Variants in SIPA1L3 observed in about 807,000 individuals in gnomAD.
The protein encoded by SIPA1L3 is signal induced proliferation associated 1 like 3.
SIPA1L3 carries 59 observed loss-of-function variants against 150.1 expected under a neutral mutation model. The ratio of observed to expected loss-of-function variants is 0.39; its 90% confidence interval spans 0.32 to 0.49. The LOEUF is 0.49. Among genes scored for constraint, SIPA1L3 ranks in the 20% least tolerant of loss-of-function variants. The pLI is 0.86. For missense variants in SIPA1L3, 2,211 were observed against 2,489.5 expected (o/e 0.89, Z 2.38); for synonymous variants, 1,070 against 1,077.6 (o/e 0.99, Z 0.14).
At chr19:37,994,640 C>T (rs1367540010) in intron 1 of SIPA1L3, among the ~76,000 whole-genome samples, 1 of 152,188 alleles carries the variant, frequency 6.6e-6, no homozygotes, top group African/African-American at 2.4e-5. Context: ...AGCGCCTTCT[C>T]TTCCTGCAGT....
rs1970194925 is a variant in SIPA1L3 at position 38,088,722 on chromosome 19, A to G, written c.1536A>G (p.Glu512=). 2 of 1,613,508 alleles carry G rather than the reference A, an allele frequency of 1.2e-6. No homozygotes were observed. The change falls in exon 4 of 22, where the codon GAA becomes GAG. Residue 512 remains glutamate, a splice_region_variant and synonymous_variant. Coordinates refer to ENST00000222345, the MANE Select transcript of SIPA1L3 (RefSeq NM_015073.3). ...AACTCGCCTGCTCTTCCTTCTTAGA[A>G]CATGCCAATTACTTCGGCGTGGATG... The part of the protein sequence containing the change: ...RYYQDYFVGK[E]HANYFGVDEK...
chr19:38,162,475 C>G (rs183042525), intron 14 of SIPA1L3, 104 bp downstream of exon 14: 1 of 810,856 alleles, frequency 1.2e-6, no homozygotes, highest in Non-Finnish European at 2.1e-6. Context: ...CCACCTTCCA[C>G]TCAGCAGAGG....
In SIPA1L3 at chr19:38,120,836, G is replaced by T. The variant is rs140029448; in HGVS notation, c.2868+954G>T. Among the ~76,000 whole-genome samples, 503 of 152,338 alleles carry T rather than the reference G, an allele frequency of 3.3e-3. 1 individual carries two copies. The highest frequency in any genetic ancestry group is 5.9e-3 in the Non-Finnish European group (399 of 68,044). On this transcript the variant is annotated intron_variant, in intron 9 of 21. Coordinates refer to ENST00000222345, the MANE Select transcript of SIPA1L3 (RefSeq NM_015073.3). ...AAGCTCCACAAGAAAGAACACTGTGGTCAGTGATTGCCTCTGCAGTGGGTT... is the reference window on the plus strand; with the variant it reads ...AAGCTCCACAAGAAAGAACACTGTGTTCAGTGATTGCCTCTGCAGTGGGTT...
intron 1 of SIPA1L3, among the ~76,000 whole-genome samples, chr19:37,947,876 C>G (rs1207322775): frequency 1.3e-5 from 2 of 152,202 alleles, no homozygotes; most frequent in South Asian, 2.1e-4. Flanking sequence ...GCCTGCAGCA[C>G]TTTCCCTATG....
intron 1 of SIPA1L3, among the ~76,000 whole-genome samples, chr19:37,960,312 A>G (rs1224096125): frequency 2.0e-5 from 3 of 151,782 alleles, no homozygotes; most frequent in Non-Finnish European, 4.4e-5. Flanking sequence ...AGTGCACTGA[A>G]CTGCAGCCTC....
Position 38,057,352 on chromosome 19 carries a change from G to A in SIPA1L3, c.-310-23904G>A, listed in dbSNP as rs116841214. Among the ~76,000 whole-genome samples the A allele has an allele frequency of 9.1e-3, 1,369 of 150,234 alleles. 44 individuals are homozygous for A. In the South Asian group the frequency reaches 0.12, roughly 14 times the overall value. On this transcript the variant is annotated intron_variant, in intron 2 of 21. Coordinates refer to ENST00000222345, the MANE Select transcript of SIPA1L3 (RefSeq NM_015073.3). ...CACACACACACACGTATATATATAC[G>A]TATATATATGTATATATATGGGAAG... is the stretch of plus-strand genomic sequence containing the variant.
rs913092046 is a variant in SIPA1L3 at position 38,137,183 on chromosome 19, TTTG to T, written c.3144-3983_3144-3981del. Among the ~76,000 whole-genome samples the T allele has an allele frequency of 5.3e-5, 8 of 151,800 alleles. 1 individual carries two copies. The highest frequency in any genetic ancestry group is 7.4e-5 in the Non-Finnish European group (5 of 67,880). ...CTCCATGCTGCATGCTGCCTTCATTTTTGTTGTTGTTGTTGTTGTTTTTGAGAT... is the reference window on the plus strand; with the variant it reads ...CTCCATGCTGCATGCTGCCTTCATTTTTGTTGTTGTTGTTGTTTTTGAGAT... On this transcript the variant is annotated intron_variant, in intron 10 of 21. Coordinates refer to ENST00000222345, the MANE Select transcript of SIPA1L3 (RefSeq NM_015073.3).
At chr19:38,048,351 C>A (rs1284809642) in intron 2 of SIPA1L3, among the ~76,000 whole-genome samples, 1 of 152,186 alleles carries the variant, frequency 6.6e-6, no homozygotes, top group Non-Finnish European at 1.5e-5. Context: ...CTCCAAAGGC[C>A]TCTGTATGCC....
intron 16 of SIPA1L3, among the ~76,000 whole-genome samples, chr19:38,187,522 C>T (rs34262882): frequency 0.36 from 54,905 of 150,850 alleles, 11,664 homozygotes; most frequent in Middle Eastern, 0.57. Flanking sequence ...TCGAGTCCAT[C>T]CTGGCTAACA....
chr19:38,194,835 GAGGTC>G (rs1398935189), intron 18 of SIPA1L3, among the ~76,000 whole-genome samples: 2 of 152,230 alleles, frequency 1.3e-5, no homozygotes, highest in African/African-American at 4.8e-5. Flanking sequence ...TGGATCACCT[GAGGTC>G]AGGAGTTCGA....
intron 1 of SIPA1L3, among the ~76,000 whole-genome samples, chr19:38,004,435 G>A (rs990256541): frequency 6.6e-6 from 1 of 152,232 alleles, no homozygotes; most frequent in Admixed American, 6.5e-5. Flanking sequence ...TGGGGCAGAT[G>A]TCTGGGCTGG....
At chr19:38,148,004 T>C (rs775312247) in intron 12 of SIPA1L3, among the ~76,000 whole-genome samples, 29 of 151,406 alleles carry the variant, frequency 1.9e-4, no homozygotes, top group Admixed American at 5.9e-4. Context: ...GTGTGTGACA[T>C]TGCACTCCAG....
chr19:38,027,714 G>A (rs2145714572), intron 1 of SIPA1L3, among the ~76,000 whole-genome samples: 1 of 149,912 alleles, frequency 6.7e-6, no homozygotes, highest in African/African-American at 2.5e-5. Flanking sequence ...ACAGGGTCTT[G>A]CTATGTTGCC....
rs771144164 is a variant in SIPA1L3, at chr19:38,164,709, C to A, written c.4011C>A (p.Pro1337=). The part of the protein sequence containing the change: ...KAPRPAKPHK[P]PGSMGLCGGG... ...CACGGCCCGCCAAGCCACACAAGCCCCCTGGAAGTATGGGCCTTTGTGGCG... is the reference window on the plus strand; with the variant it reads ...CACGGCCCGCCAAGCCACACAAGCCACCTGGAAGTATGGGCCTTTGTGGCG... The change falls in exon 15 of 22, where the codon CCC becomes CCA. Residue 1337 remains proline, a synonymous_variant. Coordinates refer to ENST00000222345, the MANE Select transcript of SIPA1L3 (RefSeq NM_015073.3). The surrounding 1 kb of genome is among the most constrained non-coding windows in gnomAD (Gnocchi z 4.1). 3.7e-6 allele frequency: 6 copies of A among 1,613,994 alleles called. No individual in the cohort carries two copies. The highest frequency in any genetic ancestry group is 5.1e-6 in the Non-Finnish European group (6 of 1,180,010).
intron 10 of SIPA1L3, among the ~76,000 whole-genome samples, chr19:38,132,336 G>T (rs920632079): frequency 1.3e-5 from 2 of 151,528 alleles, no homozygotes; most frequent in Non-Finnish European, 2.9e-5. Flanking sequence ...GAGGCGGGCG[G>T]ATCACCAGGC....
chr19:38,119,154 C>T, intron 8 of SIPA1L3, 152 bp from the exon 9 acceptor site: 1 of 727,274 alleles, frequency 1.4e-6, no homozygotes, highest in Non-Finnish European at 2.2e-6. Flanking sequence ...TATGATTGCA[C>T]CATTGCACTC....
At chr19:38,200,763 A>C (rs1973070840) in intron 19 of SIPA1L3, 1 of 152,042 alleles carries the variant, frequency 6.6e-6, no homozygotes, top group African/African-American at 2.4e-5. Flanking sequence ...TCCCGTCTCT[A>C]CTAAAAATAC....
intron 1 of SIPA1L3, among the ~76,000 whole-genome samples, chr19:37,959,072 C>T (rs1051182906): frequency 2.6e-5 from 4 of 152,168 alleles, no homozygotes; most frequent in African/African-American, 9.7e-5. Flanking sequence ...TCATACATGG[C>T]TGGTGGGATT....
intron 20 of SIPA1L3, 151 bp downstream of exon 20, chr19:38,202,148 T>C (rs892071792): frequency 4.3e-6 from 3 of 697,252 alleles, no homozygotes; most frequent in Middle Eastern, 6.4e-4. Context: ...CCTAACAGAC[T>C]TGGAAGTCAT....
Sources: gnomAD v4.1 joint callset for allele counts (sites outside exome capture counted in the v4.1 genomes callset) on GRCh38, gnomAD v4.1.1 for gene constraint, Gnocchi (gnomAD v3.1) non-coding constraint, MANE v1.5 for transcripts, NCBI Gene and HGNC (gene_info 2026-07-23, HGNC 2026-07-21) for gene names.